The following KLHL10 variants were observed in gnomAD, a reference collection of about 807,000 sequenced individuals.
KLHL10 encodes the protein kelch-like protein 10.
KLHL10 carries 11 observed loss-of-function variants against 46.6 expected under a neutral mutation model. The observed-to-expected ratio is 0.24, with a 90% CI of 0.15 to 0.39. The LOEUF (loss-of-function observed/expected upper bound fraction) is 0.39, where lower values mean the gene tolerates loss of function less well. Among genes scored for constraint, KLHL10 ranks in the 10% least tolerant of loss-of-function variants. The pLI is 1.00. For missense variants in KLHL10, 475 were observed against 789.8 expected, an observed-to-expected ratio of 0.60 and a Z score of 4.78; for synonymous variants, 254 against 279.1, an observed-to-expected ratio of 0.91 and a Z score of 0.90.
chr17:41,845,030 A>T, intron 2 of KLHL10, 96 bp from the exon 3 acceptor site: 2 of 1,466,932 alleles, frequency 1.4e-6, no homozygotes, highest in African/African-American at 2.8e-5. Context: ...AAATATTTCC[A>T]GCAATTCAAA....
intron 1 of KLHL10, among the ~76,000 whole-genome samples, chr17:41,839,135 G>C (rs1304220705): frequency 6.6e-6 from 1 of 152,032 alleles, no homozygotes; most frequent in South Asian, 2.1e-4. Flanking sequence ...GGAATTACAG[G>C]CTCCCGCCAC....
chr17:41,844,867 G>A lies in KLHL10; in HGVS notation c.685-259G>A, dbSNP rs60090576. Among the ~76,000 whole-genome samples the A allele has an allele frequency of 0.38, 56,914 of 151,622 alleles. 11,468 individuals carry two copies. The highest frequency in any genetic ancestry group is 0.53 in the South Asian group (2,540 of 4,794). ...CCTGGCCCCAATTTTTGTATTTTTA[G>A]TAGAGACAGGGTCTTGCTATGTTGC... On this transcript the variant is annotated intron_variant, in intron 2 of 4. Coordinates refer to ENST00000293303, the MANE Select transcript of KLHL10 (RefSeq NM_152467.5).
chr17:41,836,462 C>A (rs936196053), upstream of KLHL10: 1 of 984,946 alleles, frequency 1.0e-6, no homozygotes, highest in Non-Finnish European at 1.2e-6. Flanking sequence ...AGGTAGGGTT[C>A]TGCCACTCTT....
intron 2 of KLHL10, among the ~76,000 whole-genome samples, chr17:41,844,542 ATTTT>A (rs369578859): frequency 9.5e-5 from 11 of 115,330 alleles, no homozygotes; most frequent in Middle Eastern, 0.011. Context: ...TGGTTTTTGT[ATTTT>A]TTTTTTTTTT....
At chr17:41,842,413 T>C (rs987454084) in intron 2 of KLHL10, 101 bp downstream of exon 2, 4 of 1,412,184 alleles carry the variant, frequency 2.8e-6, no homozygotes, top group Non-Finnish European at 3.0e-6. Context: ...TGTCCTTAGA[T>C]AGAAGGCATC....
chr17:41,843,725 T>C (rs1415773427), intron 2 of KLHL10, among the ~76,000 whole-genome samples: 3 of 152,062 alleles, frequency 2.0e-5, no homozygotes, highest in Non-Finnish European at 4.4e-5. Flanking sequence ...CAAATGTATA[T>C]ATCACCTCCC....
chr17:41,843,176 C>G (rs1555620908), intron 2 of KLHL10, among the ~76,000 whole-genome samples: 1 of 151,464 alleles, frequency 6.6e-6, no homozygotes, highest in African/African-American at 2.4e-5. Context: ...AGCTTTTTTC[C>G]TTTCTATGAA....
Position 41,845,690 on chromosome 17 carries a change from G to T in KLHL10, c.1249G>T (p.Ala417Ser). 6.2e-7 allele frequency: 1 copy of T among 1,612,184 alleles called. No individual in the cohort carries two copies. The highest frequency in any genetic ancestry group is 1.7e-4 in the Middle Eastern group (1 of 6,048). The change falls in exon 3 of 5, where the codon GCC becomes TCC. Residue 417 changes from alanine to serine, a missense_variant. Ala to Ser is a moderately conservative substitution (Grantham distance 99). Transcript: ENST00000293303. The part of the protein sequence containing the change: ...EPETNQWTLI[A>S]PMHEQRSDAS... ...AGAGACCAATCAATGGACACTCATC[G>T]CCCCCATGCACGAACAGAGGAGTGA...
At chr17:41,835,947 A>G (rs138262483), upstream of KLHL10, 510 of 1,592,072 alleles carry the variant, frequency 3.2e-4, 2 homozygotes, top group African/African-American at 6.4e-3. Flanking sequence ...GGCCTTCATC[A>G]GGGTGCTCAC....
chr17:41,840,793 A>C (rs1295677936), intron 1 of KLHL10, among the ~76,000 whole-genome samples: 1 of 152,050 alleles, frequency 6.6e-6, no homozygotes, highest in Admixed American at 6.6e-5. Flanking sequence ...TTTGATTTCT[A>C]AGACCACATT....
At chr17:41,845,897 G>A (rs1441060904) in intron 3 of KLHL10, 154 bp downstream of exon 3, 2 of 974,936 alleles carry the variant, frequency 2.1e-6, no homozygotes. Flanking sequence ...AGTTGCAACT[G>A]TCTTTTATGT....
In KLHL10 at chr17:41,848,351, ATTCTTTTT is replaced by A; in HGVS notation, c.*47_*54del. 1 of 1,586,040 alleles carries A rather than the reference ATTCTTTTT, an allele frequency of 6.3e-7. No homozygotes were observed. Among genetic ancestry groups the A allele is most frequent in the Non-Finnish European group, 8.5e-7 (1 of 1,171,910 alleles). ...TAAAAAGTCTAAGCAATAAGAATTA[ATTCTTTTT>A]TTAAAAAAATGCAGTGTTTAAACTT... is the stretch of plus-strand genomic sequence containing the variant. On this transcript the variant is annotated 3_prime_UTR_variant, in exon 5 of 5. Transcript: ENST00000293303.
At chr17:41,843,062 G>A (rs2048243205) in intron 2 of KLHL10, among the ~76,000 whole-genome samples, 1 of 151,332 alleles carries the variant, frequency 6.6e-6, no homozygotes, top group Non-Finnish European at 1.5e-5. Context: ...GGAGGTCAAG[G>A]CTGCAGTGTG....
chr17:41,840,111 G>C (rs375585019), intron 1 of KLHL10, among the ~76,000 whole-genome samples: 1 of 152,216 alleles, frequency 6.6e-6, no homozygotes, highest in African/African-American at 2.4e-5. Flanking sequence ...GATTACAGGC[G>C]TGAGCCAACG....
upstream of KLHL10, chr17:41,836,489 T>C (rs1351258892): frequency 9.2e-6 from 9 of 979,924 alleles, no homozygotes; most frequent in Non-Finnish European, 1.1e-5. Context: ...GGAAAAGCCT[T>C]GCCAAACGTG....
chr17:41,836,874 G>C (rs2048167723), upstream of KLHL10, among the ~76,000 whole-genome samples: 1 of 152,230 alleles, frequency 6.6e-6, no homozygotes, highest in Non-Finnish European at 1.5e-5. Context: ...AGAGATGAAG[G>C]AGCCATAAAC....
intron 3 of KLHL10, 52 bp from the exon 4 acceptor site, chr17:41,847,209 C>G: frequency 6.4e-7 from 1 of 1,559,206 alleles, no homozygotes. Context: ...CATATCCTTT[C>G]TTTCTACTCC....
At chr17:41,836,528 A>G (rs1400813973), upstream of KLHL10, 1 of 905,720 alleles carries the variant, frequency 1.1e-6, no homozygotes. Context: ...GTTTGTGACA[A>G]AAACATGACT....
chr17:41,839,234 C>T (rs916848734), intron 1 of KLHL10, among the ~76,000 whole-genome samples: 1 of 152,216 alleles, frequency 6.6e-6, no homozygotes, highest in Non-Finnish European at 1.5e-5. Flanking sequence ...TCGTGATCCA[C>T]CCACCTTGGT....
Sources: gnomAD v4.1 joint callset for allele counts (sites outside exome capture counted in the v4.1 genomes callset) on GRCh38, gnomAD v4.1.1 for gene constraint, MANE v1.5 for transcripts, NCBI Gene and HGNC (gene_info 2026-07-23, HGNC 2026-07-21) for gene names.